Variants in HPCA observed in about 807,000 individuals in gnomAD.
The protein encoded by HPCA is neuron-specific calcium-binding protein hippocalcin.
A neutral mutation model predicts 18.2 loss-of-function variants in HPCA; 4 were observed. That is an observed-to-expected ratio of 0.22 (90% CI 0.11 to 0.50). HPCA has a LOEUF of 0.50. Among genes scored for constraint, HPCA ranks in the 20% least tolerant of loss-of-function variants. HPCA has a pLI of 0.97. For missense variants in HPCA, 161 were observed against 265.8 expected (o/e 0.61, Z 2.74); for synonymous variants, 93 against 103.5 (o/e 0.90, Z 0.61).
At chr1:32,891,149 C>T (rs1350487986) in intron 2 of HPCA, among the ~76,000 whole-genome samples, 3 of 152,222 alleles carry the variant, frequency 2.0e-5, no homozygotes, top group Non-Finnish European at 2.9e-5. Context: ...TCCTCAGGAC[C>T]CCTTTCTGGT....
rs1318753359 is a variant in HPCA at position 32,893,216 on chromosome 1, C to G, written c.379-308C>G. Reference sequence around the variant, plus strand: ...GCTCCAGGCCCTCCACTGTCGGGCCCCGGTGTCCTCCAACATCTCTCCTGA... The same window carrying G: ...GCTCCAGGCCCTCCACTGTCGGGCCGCGGTGTCCTCCAACATCTCTCCTGA... On this transcript the variant is annotated intron_variant, in intron 2 of 3. Coordinates refer to ENST00000373467, the MANE Select transcript of HPCA (RefSeq NM_002143.3). This position sits in a 1 kb window ranked among gnomAD's most constrained non-coding sequence, Gnocchi z 7.5. Among the ~76,000 whole-genome samples the G allele has an allele frequency of 6.6e-6, 1 of 152,074 alleles. No homozygotes were observed. The highest frequency in any genetic ancestry group is 1.5e-5 in the Non-Finnish European group (1 of 67,996).
Position 32,893,476 on chromosome 1 carries a change from G to C in HPCA, c.379-48G>C. 1 of 1,362,286 alleles carries C rather than the reference G, an allele frequency of 7.3e-7. No individual in the cohort carries two copies. The highest frequency in any genetic ancestry group is 2.1e-4 in the Middle Eastern group (1 of 4,654). 84.4% of individuals were successfully genotyped at this position (1,362,286 alleles called of 1,614,324 possible). A position where few individuals can be genotyped will look rare whatever the true frequency, so the allele number is the denominator to read the frequency against. On this transcript the variant is annotated intron_variant, in intron 2 of 3. Transcript: ENST00000373467. This position sits in a 1 kb window ranked among gnomAD's most constrained non-coding sequence, Gnocchi z 7.5. ...GGGCGCCTCTGAATCTTGCGGGTGGGGGCTCGGGCAGGCTCCTCTCACTCC... is the reference window on the plus strand; with the variant it reads ...GGGCGCCTCTGAATCTTGCGGGTGGCGGCTCGGGCAGGCTCCTCTCACTCC...
Position 32,893,380 on chromosome 1 carries a change from G to A in HPCA, c.379-144G>A, listed in dbSNP as rs377476941. 40 of 637,466 alleles carry A rather than the reference G, an allele frequency of 6.3e-5. No individual in the cohort carries two copies. In the African/African-American group the frequency reaches 6.8e-4, roughly 11 times the overall value. 39.5% of individuals were successfully genotyped at this position (637,466 alleles called of 1,614,324 possible). On this transcript the variant is annotated intron_variant, in intron 2 of 3. Transcript: ENST00000373467. This position sits in a 1 kb window ranked among gnomAD's most constrained non-coding sequence, Gnocchi z 7.5. ...CCGGACACGCCTTCCCGAAGCCCTC[G>A]GCTCCCCACGCCTCCGTGATTCCCC...
intron 2 of HPCA, among the ~76,000 whole-genome samples, chr1:32,890,902 G>T (rs972753241): frequency 6.6e-6 from 1 of 152,242 alleles, no homozygotes; most frequent in African/African-American, 2.4e-5. Context: ...CTGTGAGCCA[G>T]GCATTTGACT....
intron 1 of HPCA, among the ~76,000 whole-genome samples, chr1:32,887,183 C>T (rs373103979): frequency 1.9e-3 from 292 of 152,278 alleles, no homozygotes; most frequent in African/African-American, 6.6e-3. Context: ...GACACACCGC[C>T]GAGGACACAC....
chr1:32,887,762 C>A (rs555787657), intron 1 of HPCA, among the ~76,000 whole-genome samples: 1 of 152,076 alleles, frequency 6.6e-6, no homozygotes, highest in Admixed American at 6.6e-5. Flanking sequence ...TGTCGGCATG[C>A]GAGTTGGCGT....
In HPCA at chr1:32,893,900, C is replaced by A; in HGVS notation, c.*38C>A. ...TCCCCTTCCTCCCTCCCTTCACCGG[C>A]CCCCTCCCGGCTCTTAGCTTCCACT... is the stretch of plus-strand genomic sequence containing the variant. On this transcript the variant is annotated 3_prime_UTR_variant, in exon 4 of 4. Transcript: ENST00000373467. This position sits in a 1 kb window ranked among gnomAD's most constrained non-coding sequence, Gnocchi z 7.5. The A allele has an allele frequency of 1.4e-6, 2 of 1,387,968 alleles. No individual in the cohort carries two copies. Among genetic ancestry groups the A allele is most frequent in the Non-Finnish European group, 2.0e-6 (2 of 1,000,512 alleles). The allele number at this position is 1,387,968 out of a possible 1,614,324, so 86.0% of individuals were successfully genotyped here. A position where few individuals can be genotyped will look rare whatever the true frequency, so the allele number is the denominator to read the frequency against.
Position 32,893,650 on chromosome 1 carries a change from G to C in HPCA, c.484+21G>C, listed in dbSNP as rs1318748095. On this transcript the variant is annotated intron_variant, in intron 3 of 3. Coordinates refer to ENST00000373467, the MANE Select transcript of HPCA (RefSeq NM_002143.3). The surrounding 1 kb of genome is among the most constrained non-coding windows in gnomAD (Gnocchi z 7.5). Reference sequence around the variant, plus strand: ...CGACGGTGAGGGGCAGGGGCGGGACGGGGTGGACGGGGCGGGCGCCTTTCC... The same window carrying C: ...CGACGGTGAGGGGCAGGGGCGGGACCGGGTGGACGGGGCGGGCGCCTTTCC... 1 of 1,582,364 alleles carries C rather than the reference G, an allele frequency of 6.3e-7. No individual in the cohort carries two copies. The highest frequency in any genetic ancestry group is 8.7e-7 in the Non-Finnish European group (1 of 1,152,272).
chr1:32,893,705 T>G lies in HPCA; in HGVS notation c.485-60T>G, dbSNP rs1641510455. On this transcript the variant is annotated intron_variant, in intron 3 of 3. Coordinates refer to ENST00000373467, the MANE Select transcript of HPCA (RefSeq NM_002143.3). The surrounding 1 kb of genome is among the most constrained non-coding windows in gnomAD (Gnocchi z 7.5). ...CTCCCTCCCTGCCTCCCTTTCCCGCTCCGCCTCCCCTCGCTAGGCTGCCGC... is the reference window on the plus strand; with the variant it reads ...CTCCCTCCCTGCCTCCCTTTCCCGCGCCGCCTCCCCTCGCTAGGCTGCCGC... 1.0e-6 allele frequency: 1 copy of G among 982,664 alleles called. No homozygotes were observed. Among genetic ancestry groups the G allele is most frequent in the African/African-American group, 1.9e-5 (1 of 53,080 alleles). The allele number at this position is 982,664 out of a possible 1,614,324, so 60.9% of individuals were successfully genotyped here.
intron 1 of HPCA, among the ~76,000 whole-genome samples, chr1:32,887,847 G>A (rs1476837114): frequency 6.6e-6 from 1 of 152,014 alleles, no homozygotes; most frequent in Non-Finnish European, 1.5e-5. Flanking sequence ...GTTGTGCGTG[G>A]TGCCATGTGT....
chr1:32,894,027 G>A lies in HPCA; in HGVS notation c.*165G>A, dbSNP rs1272392835. ...AAAAGGGAACCCTGCGGTACCCCCA[G>A]GCCAAAGCAAGTAAGCGGTTAGCAC... On this transcript the variant is annotated 3_prime_UTR_variant, in exon 4 of 4. Transcript: ENST00000373467. 6.6e-6 allele frequency: 4 copies of A among 606,762 alleles called. No individual in the cohort carries two copies. Among genetic ancestry groups the A allele is most frequent in the Admixed American group, 2.9e-5 (1 of 34,508 alleles). The allele number at this position is 606,762 out of a possible 1,614,324, so 37.6% of individuals were successfully genotyped here. A position where few individuals can be genotyped will look rare whatever the true frequency, so the allele number is the denominator to read the frequency against.
rs1217553204 is a variant in HPCA at position 32,893,213 on chromosome 1, GCC to G, written c.379-308_379-307del. 2.6e-5 allele frequency among the ~76,000 whole-genome samples: 4 copies of G among 151,986 alleles called. No homozygotes were observed. The highest frequency in any genetic ancestry group is 5.9e-5 in the Non-Finnish European group (4 of 67,980). On this transcript the variant is annotated intron_variant, in intron 2 of 3. Coordinates refer to ENST00000373467, the MANE Select transcript of HPCA (RefSeq NM_002143.3). This position sits in a 1 kb window ranked among gnomAD's most constrained non-coding sequence, Gnocchi z 7.5. Reference sequence around the variant, plus strand: ...GCCGCTCCAGGCCCTCCACTGTCGGGCCCCGGTGTCCTCCAACATCTCTCCTG... The same window carrying G: ...GCCGCTCCAGGCCCTCCACTGTCGGGCCGGTGTCCTCCAACATCTCTCCTG...
intron 2 of HPCA, among the ~76,000 whole-genome samples, chr1:32,892,889 C>A (rs1641479290): frequency 6.6e-6 from 1 of 152,202 alleles, no homozygotes; most frequent in African/African-American, 2.4e-5. Flanking sequence ...GGAGCTACTG[C>A]ACGTGGCGGC....
intron 2 of HPCA, among the ~76,000 whole-genome samples, chr1:32,892,982 T>C (rs184061584): frequency 1.3e-5 from 2 of 152,066 alleles, no homozygotes; most frequent in Non-Finnish European, 2.9e-5. Flanking sequence ...ATTTGCATAC[T>C]GTTCCCCGCC....
chr1:32,894,113 C>T lies in HPCA; in HGVS notation c.*251C>T. 2.0e-6 allele frequency: 1 copy of T among 493,374 alleles called. No individual in the cohort carries two copies. The highest frequency in any genetic ancestry group is 3.6e-6 in the Non-Finnish European group (1 of 276,282). The allele number at this position is 493,374 out of a possible 1,614,324, so 30.6% of individuals were successfully genotyped here. ...TGGGTTGGTCTGCCCCTCAGTCAGG[C>T]CCCCTTACCCACCCACCAGCCCCAA... is the stretch of plus-strand genomic sequence containing the variant. On this transcript the variant is annotated 3_prime_UTR_variant, in exon 4 of 4. Transcript: ENST00000373467.
rs1326705780 is a variant in HPCA, at chr1:32,893,282, C to A, written c.379-242C>A. ...GGAGCTTCCACCTGCGGCGCCTTTG[C>A]TCCTTTCCCACCCAGCCCTCCAAGG... is the stretch of plus-strand genomic sequence containing the variant. On this transcript the variant is annotated intron_variant, in intron 2 of 3. Transcript: ENST00000373467. This position sits in a 1 kb window ranked among gnomAD's most constrained non-coding sequence, Gnocchi z 7.5. Among the ~76,000 whole-genome samples the A allele has an allele frequency of 6.6e-6, 1 of 152,206 alleles. No individual in the cohort carries two copies. The highest frequency in any genetic ancestry group is 1.5e-5 in the Non-Finnish European group (1 of 68,024).
Position 32,893,380 on chromosome 1 carries a change from G to C in HPCA, c.379-144G>C, listed in dbSNP as rs377476941. ...CCGGACACGCCTTCCCGAAGCCCTC[G>C]GCTCCCCACGCCTCCGTGATTCCCC... is the stretch of plus-strand genomic sequence containing the variant. On this transcript the variant is annotated intron_variant, in intron 2 of 3. Transcript: ENST00000373467. This position sits in a 1 kb window ranked among gnomAD's most constrained non-coding sequence, Gnocchi z 7.5. 2 of 637,348 alleles carry C rather than the reference G, an allele frequency of 3.1e-6. No homozygotes were observed. The highest frequency in any genetic ancestry group is 5.4e-5 in the Admixed American group (2 of 37,000). 39.5% of individuals were successfully genotyped at this position (637,348 alleles called of 1,614,324 possible).
intron 1 of HPCA, among the ~76,000 whole-genome samples, chr1:32,887,629 G>A (rs113467701): frequency 9.2e-5 from 14 of 152,302 alleles, no homozygotes; most frequent in African/African-American, 3.1e-4. Flanking sequence ...CCCCGAGCAG[G>A]TCTGGGAAGG....
Position 32,894,067 on chromosome 1 carries a change from G to A in HPCA, c.*205G>A. On this transcript the variant is annotated 3_prime_UTR_variant, in exon 4 of 4. Transcript: ENST00000373467. Reference sequence around the variant, plus strand: ...GCGGTTAGCACCCCCCAATCCCAGAGGCAACAATAGAGACACAGGCTGGGT... The same window carrying A: ...GCGGTTAGCACCCCCCAATCCCAGAAGCAACAATAGAGACACAGGCTGGGT... 1.7e-6 allele frequency: 1 copy of A among 573,550 alleles called. No individual in the cohort carries two copies. The highest frequency in any genetic ancestry group is 3.1e-6 in the Non-Finnish European group (1 of 321,018). 35.5% of individuals were successfully genotyped at this position (573,550 alleles called of 1,614,324 possible).
Sources: gnomAD v4.1 joint callset for allele counts (sites outside exome capture counted in the v4.1 genomes callset) on GRCh38, gnomAD v4.1.1 for gene constraint, Gnocchi (gnomAD v3.1) non-coding constraint, MANE v1.5 for transcripts, NCBI Gene and HGNC (gene_info 2026-07-23, HGNC 2026-07-21) for gene names.